Variants in GAA observed in about 807,000 individuals in gnomAD.
GAA encodes the protein lysosomal alpha-glucosidase.
A neutral mutation model predicts 103.9 loss-of-function variants in GAA; 88 were observed. That is an observed-to-expected ratio of 0.85 (90% CI 0.71 to 1.01). The LOEUF (loss-of-function observed/expected upper bound fraction) is 1.01, where lower values mean the gene tolerates loss of function less well. Ranked by LOEUF, GAA falls within the 50% of genes least tolerant of loss-of-function variation. The pLI is 0.00. For synonymous variants in GAA, 572 were observed against 563.1 expected, an observed-to-expected ratio of 1.02 and a Z score of -0.22; for missense variants, 1,350 against 1,305.3, an observed-to-expected ratio of 1.03 and a Z score of -0.53.
At chr17:80,102,037 C>T (rs181336255) in intron 1 of GAA, 147 bp downstream of exon 1, 4 of 152,510 alleles carry the variant, frequency 2.6e-5, no homozygotes, top group Admixed American at 6.5e-5. Context: ...CTGAGTTCAG[C>T]TTAGAGATGA....
rs745427943 is a variant in GAA, at chr17:80,118,742, G to GC, written c.2740dup (p.Gln914ProfsTer104). 2 of 1,613,208 alleles carry GC rather than the reference G, an allele frequency of 1.2e-6. No individual in the cohort carries two copies. Among genetic ancestry groups the GC allele is most frequent in the Admixed American group, 1.7e-5 (1 of 59,998 alleles). On this transcript the variant is annotated frameshift_variant, in exon 19 of 20. Transcript: ENST00000302262. LOFTEE classifies it high-confidence loss of function. ...TGACTGTCCTGGGCGTGGCCACGGC[G>GC]CCCCAGCAGGTCCTCTCCAACGGTG...
At position 80,116,939 on chromosome 17, in the gene GAA, G is replaced by A. The variant is rs142573163; in HGVS notation, c.2190-29G>A. On this transcript the variant is annotated intron_variant, in intron 15 of 19. Coordinates refer to ENST00000302262, the MANE Select transcript of GAA (RefSeq NM_000152.5). ...GCCAGCCCCATCCCATTCATCACCC[G>A]TATGCCTGTGTGCCCATCCCCCTTG... 2.1e-4 allele frequency: 335 copies of A among 1,613,110 alleles called. 1 individual carries two copies. In the African/African-American group the frequency reaches 2.5e-3, roughly 12 times the overall value.
At chr17:80,107,179 C>T (rs1025208394) in intron 3 of GAA, among the ~76,000 whole-genome samples, 4 of 152,160 alleles carry the variant, frequency 2.6e-5, no homozygotes, top group Non-Finnish European at 5.9e-5. Flanking sequence ...AGGACTTTGG[C>T]CACAAGCTCC....
Position 80,108,624 on chromosome 17 carries a change from G to T in GAA, c.1194+17G>T, listed in dbSNP as rs548850587. ...TTCCCCCTGGTGAGTTGGGGTGGTG[G>T]CAGGGGAGGCAAGGGGCTGGCCGGG... On this transcript the variant is annotated intron_variant, in intron 7 of 19. Transcript: ENST00000302262. The T allele has an allele frequency of 4.3e-5, 70 of 1,612,614 alleles. No homozygotes were observed. In the Middle Eastern group the frequency reaches 1.3e-3, roughly 30 times the overall value.
rs1598575713 is a variant in GAA, at chr17:80,107,814, C to T, written c.873C>T (p.Leu291=). ...RDLAPTPGAN[L]YGSHPFYLAL... is the part of the protein sequence containing the mutation. ...GCATGTCCCAGCCCGGTGCGAACCT[C>T]TACGGGTCTCACCCTTTCTACCTGG... Residue 291 remains leucine, a synonymous_variant, in exon 5 of 20, where the codon CTC becomes CTT. Coordinates refer to ENST00000302262, the MANE Select transcript of GAA (RefSeq NM_000152.5). 6.8e-6 allele frequency: 11 copies of T among 1,611,886 alleles called. No homozygotes were observed. The highest frequency in any genetic ancestry group is 9.3e-6 in the Non-Finnish European group (11 of 1,179,576).
intron 9 of GAA, among the ~76,000 whole-genome samples, chr17:80,110,400 G>A (rs1007381039): frequency 2.0e-5 from 3 of 152,206 alleles, no homozygotes; most frequent in Admixed American, 1.3e-4. Flanking sequence ...GGTCTGGTGC[G>A]GATGTGAGGC....
intron 8 of GAA, 134 bp downstream of exon 8, chr17:80,108,962 G>GAA: frequency 8.5e-7 from 1 of 1,173,468 alleles, no homozygotes; most frequent in East Asian, 2.6e-5. Flanking sequence ...GATATCGAGG[G>GAA]AATATCAAGA....
rs774307734 is a variant in GAA at position 80,113,341 on chromosome 17, A to T, written c.2164A>T (p.Thr722Ser). The T allele has an allele frequency of 2.3e-5, 36 of 1,590,526 alleles. No homozygotes were observed. The highest frequency in any genetic ancestry group is 2.8e-5 in the Non-Finnish European group (33 of 1,167,730). ...LFHQAHVAGETVARPLFLEFP... is the reference protein window; with the variant it reads ...LFHQAHVAGESVARPLFLEFP... ...CCACCAGGCCCACGTCGCGGGGGAGACCGTGGCCCGGCCCCTCTTCCTGGA... is the reference window on the plus strand; with the variant it reads ...CCACCAGGCCCACGTCGCGGGGGAGTCCGTGGCCCGGCCCCTCTTCCTGGA... Residue 722 changes from threonine to serine, a missense_variant, in exon 15 of 20, where the codon ACC becomes TCC. Physicochemically the swap from Thr to Ser is moderately conservative, Grantham distance 58. Transcript: ENST00000302262.
intron 19 of GAA, 132 bp from the exon 20 acceptor site, chr17:80,119,140 C>A: frequency 4.2e-6 from 4 of 961,044 alleles, no homozygotes; most frequent in South Asian, 2.6e-5. Context: ...CAGGGCCAGA[C>A]GGAGCTGCCC....
intron 12 of GAA, chr17:80,112,328 C>G (rs749063748): frequency 1.1e-4 from 71 of 640,418 alleles, no homozygotes; most frequent in Middle Eastern, 4.2e-4. Context: ...TGGATGCTGA[C>G]AGGAGTCTGC....
At chr17:80,110,422 G>A (rs1223536423) in intron 9 of GAA, among the ~76,000 whole-genome samples, 1 of 152,204 alleles carries the variant, frequency 6.6e-6, no homozygotes, top group Non-Finnish European at 1.5e-5. Context: ...GCCTGGCAGG[G>A]CTTGCACGGG....
At position 80,113,148 on chromosome 17, in the gene GAA, C is replaced by T. The variant is rs1488708486; in HGVS notation, c.2041-70C>T. 31 of 1,540,686 alleles carry T rather than the reference C, an allele frequency of 2.0e-5. No homozygotes were observed. In the Admixed American group the frequency reaches 3.1e-4, roughly 15 times the overall value. ...GGGTGGCTGAGAAGTGCAGCTCTCC[C>T]GAGGCGGGGACTCCAGGGGACCGCG... On this transcript the variant is annotated intron_variant, in intron 14 of 19. Coordinates refer to ENST00000302262, the MANE Select transcript of GAA (RefSeq NM_000152.5).
chr17:80,113,546 C>G (rs1027009138), intron 15 of GAA, among the ~76,000 whole-genome samples, 180 bp downstream of exon 15: 1 of 152,188 alleles, frequency 6.6e-6, no homozygotes, highest in Non-Finnish European at 1.5e-5. Context: ...CAGTAATATC[C>G]CCCAGACAGG....
chr17:80,118,928 C>A, intron 19 of GAA, 123 bp downstream of exon 19: 2 of 1,239,476 alleles, frequency 1.6e-6, no homozygotes, highest in Non-Finnish European at 2.3e-6. Context: ...CCAAGGGGGT[C>A]TTTGGGGAGG....
intron 12 of GAA, 197 bp from the exon 13 acceptor site, chr17:80,112,381 C>G: frequency 1.0e-5 from 7 of 702,986 alleles, no homozygotes; most frequent in Non-Finnish European, 1.7e-5. Context: ...GGGGGGGGTC[C>G]TGGCTCACCT....
intron 11 of GAA, 113 bp from the exon 12 acceptor site, chr17:80,111,870 A>G: frequency 2.4e-6 from 2 of 837,864 alleles, no homozygotes; most frequent in Non-Finnish European, 3.9e-6. Flanking sequence ...CTCCAGGGCC[A>G]GCCTGAAGAG....
At chr17:80,117,476 G>A in intron 16 of GAA, 124 bp from the exon 17 acceptor site, 2 of 1,147,170 alleles carry the variant, frequency 1.7e-6, no homozygotes, top group Non-Finnish European at 2.6e-6. Flanking sequence ...TCACAGTTCA[G>A]CCCGTCTGTG....
In GAA at chr17:80,105,671, C is replaced by T. The variant is rs2039065072; in HGVS notation, c.547-78C>T. ...CATGTGTGGCTGCACCAGGACCTGA[C>T]CTGTCCTTGGCGTGCGGGTTGTTCT... On this transcript the variant is annotated intron_variant, in intron 2 of 19. Transcript: ENST00000302262. 20 of 1,552,496 alleles carry T rather than the reference C, an allele frequency of 1.3e-5. No homozygotes were observed. Among genetic ancestry groups the T allele is most frequent in the Non-Finnish European group, 1.7e-5 (19 of 1,133,310 alleles).
At chr17:80,107,505 G>A (rs2039113799) in intron 3 of GAA, 52 bp from the exon 4 acceptor site, 3 of 1,611,382 alleles carry the variant, frequency 1.9e-6, no homozygotes, top group Non-Finnish European at 1.7e-6. Flanking sequence ...GTGCTCTCAG[G>A]CTCGTGTGGC....
Sources: gnomAD v4.1 joint callset for allele counts (sites outside exome capture counted in the v4.1 genomes callset) on GRCh38, gnomAD v4.1.1 for gene constraint, MANE v1.5 for transcripts, NCBI Gene and HGNC (gene_info 2026-07-23, HGNC 2026-07-21) for gene names.